RERE: variants seen among roughly 807,000 people sequenced by gnomAD.
The protein encoded by RERE is arginine-glutamic acid dipeptide repeats.
RERE carries 40 observed loss-of-function variants against 146.1 expected under a neutral mutation model. The observed-to-expected ratio is 0.27, with a 90% confidence interval of 0.21 to 0.36. The LOEUF (loss-of-function observed/expected upper bound fraction) is 0.36, where lower values mean the gene tolerates loss of function less well. RERE is among the 10% of genes least tolerant of loss of function. The probability of loss-of-function intolerance (pLI) is 1.00; values close to 1 mark genes in which losing one functional copy is unlikely to be tolerated. For synonymous variants in RERE, 1,003 were observed against 866.0 expected (o/e 1.16, Z -2.78); for missense variants, 1,933 against 2,138.7 (o/e 0.90, Z 1.90).
At chr1:8,448,487 A>G (rs925325990) in intron 11 of RERE, among the ~76,000 whole-genome samples, 10 of 152,236 alleles carry the variant, frequency 6.6e-5, no homozygotes, top group East Asian at 3.8e-4. Context: ...GGCCAGGCGC[A>G]GTGGCTCACG....
chr1:8,595,831 T>C (rs555628632), intron 4 of RERE, among the ~76,000 whole-genome samples: 1 of 152,084 alleles, frequency 6.6e-6, no homozygotes, highest in Non-Finnish European at 1.5e-5. Context: ...TCAAATAATA[T>C]AGGAAAGAAG....
chr1:8,743,787 TC>T (rs1640364053), intron 1 of RERE, among the ~76,000 whole-genome samples: 1 of 152,032 alleles, frequency 6.6e-6, no homozygotes, highest in Admixed American at 6.6e-5. Flanking sequence ...CCCCAGTTAT[TC>T]TTTAGGCCCA....
chr1:8,587,476 C>A (rs1235709576), intron 4 of RERE, among the ~76,000 whole-genome samples: 1 of 152,198 alleles, frequency 6.6e-6, no homozygotes, highest in Non-Finnish European at 1.5e-5. Flanking sequence ...CAGATAAACA[C>A]TGCTTGTTAA....
At chr1:8,485,177 T>C (rs1007124124) in intron 10 of RERE, among the ~76,000 whole-genome samples, 2 of 151,956 alleles carry the variant, frequency 1.3e-5, no homozygotes, top group African/African-American at 2.4e-5. Flanking sequence ...GCCTGACCAA[T>C]ATGGAGAAAC....
At chr1:8,416,421 C>T (rs1414286574) in intron 12 of RERE, among the ~76,000 whole-genome samples, 1 of 151,900 alleles carries the variant, frequency 6.6e-6, no homozygotes, top group African/African-American at 2.4e-5. Context: ...CCCGTCTCTA[C>T]TAAAAACACA....
At chr1:8,552,340 C>T (rs1347770131) in intron 6 of RERE, among the ~76,000 whole-genome samples, 1 of 152,148 alleles carries the variant, frequency 6.6e-6, no homozygotes, top group Admixed American at 6.5e-5. Flanking sequence ...TTACTGTGAC[C>T]GGATGAAACC....
intron 4 of RERE, among the ~76,000 whole-genome samples, chr1:8,567,825 T>TCA (rs1317235895): frequency 2.6e-5 from 4 of 152,016 alleles, no homozygotes; most frequent in Admixed American, 6.6e-5. Flanking sequence ...GTCCTTAATA[T>TCA]CACACACACA....
chr1:8,816,672 G>A (rs1256206542), intron 1 of RERE, among the ~76,000 whole-genome samples: 1 of 152,150 alleles, frequency 6.6e-6, no homozygotes, highest in Non-Finnish European at 1.5e-5. Context: ...TGCTGCAAGT[G>A]ACTTTGGGTT....
At chr1:8,482,569 C>T (rs2124185966) in intron 10 of RERE, among the ~76,000 whole-genome samples, 1 of 149,020 alleles carries the variant, frequency 6.7e-6, no homozygotes, top group East Asian at 2.1e-4. Flanking sequence ...GTAGTCCCAG[C>T]TACTTGGGAG....
At chr1:8,630,323 C>T (rs992037066) in intron 2 of RERE, among the ~76,000 whole-genome samples, 1 of 152,018 alleles carries the variant, frequency 6.6e-6, no homozygotes, top group East Asian at 1.9e-4. Context: ...CATTCCTCAA[C>T]TCTATAAACA....
At chr1:8,455,070 G>A (rs1481037468) in intron 11 of RERE, among the ~76,000 whole-genome samples, 1 of 152,060 alleles carries the variant, frequency 6.6e-6, no homozygotes, top group Non-Finnish European at 1.5e-5. Flanking sequence ...GGAGGTAACT[G>A]TGCCTTCCCC....
chr1:8,580,401 T>A (rs919682902), intron 4 of RERE, among the ~76,000 whole-genome samples: 1 of 152,234 alleles, frequency 6.6e-6, no homozygotes, highest in African/African-American at 2.4e-5. Flanking sequence ...TGAAAGCTTT[T>A]ATTTCAGTTC....
Position 8,380,182 on chromosome 1 carries a change from CG to C in RERE, c.1285-14209del, listed in dbSNP as rs1434049272. On this transcript the variant is annotated intron_variant, in intron 12 of 22. Transcript: ENST00000400908. ...TGCAAAGGTGCCCTTGGCCCTCTCT[CG>C]GGAAGTAATTTTTTCCTTCATGCCC... 3.3e-5 allele frequency among the ~76,000 whole-genome samples: 5 copies of C among 152,226 alleles called. No homozygotes were observed. The East Asian group carries it at 9.7e-4, about 29-fold the overall frequency.
intron 10 of RERE, among the ~76,000 whole-genome samples, chr1:8,481,007 C>T (rs1369031174): frequency 6.6e-6 from 1 of 152,226 alleles, no homozygotes; most frequent in Non-Finnish European, 1.5e-5. Flanking sequence ...CATCACATTC[C>T]TCAGTCCCTG....
chr1:8,537,601 C>T (rs373136593), intron 7 of RERE, among the ~76,000 whole-genome samples: 41 of 152,184 alleles, frequency 2.7e-4, no homozygotes, highest in African/African-American at 9.4e-4. Context: ...ACTATAGATG[C>T]TTTATCAGTA....
chr1:8,546,860 A>G (rs1404902284), intron 6 of RERE, among the ~76,000 whole-genome samples: 3 of 150,622 alleles, frequency 2.0e-5, no homozygotes, highest in Non-Finnish European at 4.4e-5. Flanking sequence ...AAACAAAAAA[A>G]AAAAACAAAA....
intron 1 of RERE, among the ~76,000 whole-genome samples, chr1:8,740,822 C>T (rs1300880294): frequency 6.6e-6 from 1 of 152,166 alleles, no homozygotes; most frequent in East Asian, 1.9e-4. Context: ...TCATCTCCTA[C>T]AATAACAATG....
chr1:8,617,191 A>C (rs867961214), intron 3 of RERE, among the ~76,000 whole-genome samples: 3 of 151,932 alleles, frequency 2.0e-5, no homozygotes, highest in African/African-American at 7.3e-5. Flanking sequence ...AAGAATACAA[A>C]AACATAGCCG....
intron 4 of RERE, among the ~76,000 whole-genome samples, chr1:8,596,772 A>G (rs909345573): frequency 6.7e-6 from 1 of 149,702 alleles, no homozygotes; most frequent in African/African-American, 2.5e-5. Flanking sequence ...CCAACTCCCC[A>G]AAGTGCTGGG....
Sources: gnomAD v4.1 joint callset for allele counts (sites outside exome capture counted in the v4.1 genomes callset) on GRCh38, gnomAD v4.1.1 for gene constraint, MANE v1.5 for transcripts, NCBI Gene and HGNC (gene_info 2026-07-23, HGNC 2026-07-21) for gene names.